The following CAPN14 variants were observed in gnomAD, a reference collection of about 807,000 sequenced individuals.
The protein encoded by CAPN14 is calpain-14.
CAPN14 carries 94 observed loss-of-function variants against 101.3 expected under a neutral mutation model. The observed-to-expected ratio is 0.93, with a 90% CI of 0.79 to 1.10. The LOEUF (loss-of-function observed/expected upper bound fraction) is 1.10. Ranked by LOEUF, CAPN14 falls within the 50% of genes least tolerant of loss-of-function variation. CAPN14 has a pLI of 0.00. For synonymous variants in CAPN14, 338 were observed against 317.9 expected (o/e 1.06, Z -0.67); for missense variants, 837 against 828.4 (o/e 1.01, Z -0.13).
chr2:31,206,727 T>G (rs189918550), intron 1 of CAPN14, among the ~76,000 whole-genome samples: 1 of 152,336 alleles, frequency 6.6e-6, no homozygotes, highest in Non-Finnish European at 1.5e-5. Context: ...GCTACAAAAC[T>G]TGATTTCCTG....
At position 31,217,223 on chromosome 2, in the gene CAPN14, T is replaced by C. The variant is rs532332014; in HGVS notation, c.-53+233A>G. On this transcript the variant is annotated intron_variant, in intron 1 of 21. Coordinates refer to ENST00000403897, the MANE Select transcript of CAPN14 (RefSeq NM_001145122.2). The stretch of plus-strand genomic sequence containing the variant: ...CCATCTTTTTTTTTAAATGAGGAGA[T>C]TGGGGCCAAAGGGCTGAAGTCTATT... Among the ~76,000 whole-genome samples, 20 of 152,116 alleles carry C rather than the reference T, an allele frequency of 1.3e-4. No individual in the cohort carries two copies. The South Asian group carries it at 1.9e-3, about 14-fold the overall frequency.
chr2:31,174,394 T>C lies in CAPN14; in HGVS notation c.*287A>G, dbSNP rs936579135. On this transcript the variant is annotated 3_prime_UTR_variant, in exon 22 of 22. Transcript: ENST00000403897. ...ACACCAGCTCTGGAGTCAGAATGCT[T>C]AGGCCATGTCAGGTAACATCTCCGC... 1.8e-6 allele frequency: 1 copy of C among 552,022 alleles called. No homozygotes were observed. The allele number at this position is 552,022 out of a possible 1,614,324, so 34.2% of individuals were successfully genotyped here.
At chr2:31,203,774 G>A (rs1681923207) in intron 2 of CAPN14, among the ~76,000 whole-genome samples, 2 of 152,082 alleles carry the variant, frequency 1.3e-5, no homozygotes, top group South Asian at 4.1e-4. Context: ...ATAAGTCTGG[G>A]GCTGCAGGTA....
chr2:31,193,552 C>T (rs6543616), intron 9 of CAPN14, among the ~76,000 whole-genome samples: 116,776 of 152,162 alleles, frequency 0.77, 45,102 homozygotes, highest in East Asian at 0.98. Flanking sequence ...CATGGCTGAC[C>T]GGGGGAGATG....
chr2:31,193,892 G>A (rs1167829538), intron 9 of CAPN14, among the ~76,000 whole-genome samples: 3 of 152,078 alleles, frequency 2.0e-5, no homozygotes, highest in African/African-American at 4.8e-5. Context: ...TCACAGTAAC[G>A]GTGGTGAGCA....
chr2:31,228,101 G>A (rs908387947), intron 1 of CAPN14, among the ~76,000 whole-genome samples: 1 of 152,230 alleles, frequency 6.6e-6, no homozygotes, highest in Non-Finnish European at 1.5e-5. Flanking sequence ...ATGCGTGCAT[G>A]GTTGTAGGCA....
At position 31,230,236 on chromosome 2, in the gene CAPN14, G is replaced by A. The variant is rs1371705710; in HGVS notation, c.-177+3555C>T. 3.9e-5 allele frequency among the ~76,000 whole-genome samples: 6 copies of A among 152,086 alleles called. No homozygotes were observed. The highest frequency in any genetic ancestry group is 3.9e-4 in the Admixed American group (6 of 15,268). On this transcript the variant is annotated intron_variant and NMD_transcript_variant, in intron 1 of 21. Transcript: ENST00000398824. The surrounding 1 kb of genome is among the most constrained non-coding windows in gnomAD (Gnocchi z 4.3). ...GTGGTATATATTTTATATGAATGTGGCACATTTATCCATTTACTCGGTGAA... is the reference window on the plus strand; with the variant it reads ...GTGGTATATATTTTATATGAATGTGACACATTTATCCATTTACTCGGTGAA...
chr2:31,180,855 G>C, intron 17 of CAPN14, 81 bp downstream of exon 17: 2 of 1,210,262 alleles, frequency 1.7e-6, no homozygotes, highest in East Asian at 2.6e-5. Flanking sequence ...ATTGGGGTTG[G>C]GATTCAAATA....
upstream of CAPN14, among the ~76,000 whole-genome samples, chr2:31,219,886 C>G (rs572957911): frequency 1.3e-3 from 197 of 152,312 alleles, 1 homozygote; most frequent in African/African-American, 4.5e-3. Flanking sequence ...CAAAGGAGGT[C>G]AAATGCGTCT....
intron 1 of CAPN14, among the ~76,000 whole-genome samples, chr2:31,209,063 G>C (rs1682254548): frequency 6.6e-6 from 1 of 152,056 alleles, no homozygotes; most frequent in African/African-American, 2.4e-5. Flanking sequence ...TTGAACTCCT[G>C]GGCTTAAGGG....
upstream of CAPN14, among the ~76,000 whole-genome samples, chr2:31,220,614 G>A (rs1682834495): frequency 6.6e-6 from 1 of 152,128 alleles, no homozygotes. Context: ...CACGAGGTCA[G>A]GAGACCAACA....
chr2:31,183,839 T>TTCCA, intron 16 of CAPN14, among the ~76,000 whole-genome samples: 1 of 144,306 alleles, frequency 6.9e-6, no homozygotes, highest in South Asian at 2.5e-4. Context: ...TCTCTCCTTC[T>TTCCA]TCCCTCCCTC....
chr2:31,206,400 C>T (rs1682096648), intron 1 of CAPN14, among the ~76,000 whole-genome samples: 2 of 152,138 alleles, frequency 1.3e-5, no homozygotes, highest in Non-Finnish European at 1.5e-5. Flanking sequence ...ATACAGACGC[C>T]CGCCACCACA....
In CAPN14 at chr2:31,200,541, G is replaced by A. The variant is rs1311591803; in HGVS notation, c.636C>T (p.Ile212=). Residue 212 remains isoleucine, a synonymous_variant, in exon 6 of 22, where the codon ATC becomes ATT. Coordinates refer to ENST00000403897, the MANE Select transcript of CAPN14 (RefSeq NM_001145122.2). ...GGTTGCCATGGGCTTCTGCCAGGTT[G>A]ATGGTCATTGTCACCCCTCCAGTGA... is the stretch of plus-strand genomic sequence containing the variant. ...VDFTGGVTMT[I]NLAEAHGNLW... 12 of 1,551,522 alleles carry A rather than the reference G, an allele frequency of 7.7e-6. No individual in the cohort carries two copies. The highest frequency in any genetic ancestry group is 9.6e-6 in the Non-Finnish European group (11 of 1,146,976).
rs1454636089 is a variant in CAPN14 at position 31,202,952 on chromosome 2, T to A, written c.295+118A>T. The A allele has an allele frequency of 5.0e-6, 4 of 796,942 alleles. No homozygotes were observed. In the Admixed American group the frequency reaches 1.0e-4, roughly 21 times the overall value. The allele number at this position is 796,942 out of a possible 1,614,324, so 49.4% of individuals were successfully genotyped here. A position where few individuals can be genotyped will look rare whatever the true frequency, so the allele number is the denominator to read the frequency against. The stretch of plus-strand genomic sequence containing the variant: ...GTAGCGTTTTGCCAGTGAATAGCCA[T>A]TTTGGGCCTCTCTCCAGTGGGGATC... On this transcript the variant is annotated intron_variant, in intron 3 of 21. Coordinates refer to ENST00000403897, the MANE Select transcript of CAPN14 (RefSeq NM_001145122.2).
In CAPN14 at chr2:31,174,704, T is replaced by C; in HGVS notation, c.2032A>G (p.Met678Val). The change falls in exon 22 of 22, where the codon ATG becomes GTG. Residue 678 changes from methionine to valine, a missense_variant. By Grantham distance (21) the Met-to-Val change is conservative. Transcript: ENST00000403897. ...KGIYLQKPEW[M>V]MMALYS ...TCTCAGGAGTACAGTGCCATCATCA[T>C]CCACTGGACATGTTGGGAAAGCAAA... 11 of 1,551,610 alleles carry C rather than the reference T, an allele frequency of 7.1e-6. No homozygotes were observed. The highest frequency in any genetic ancestry group is 9.6e-6 in the Non-Finnish European group (11 of 1,146,974).
Position 31,233,427 on chromosome 2 carries a change from A to T in CAPN14, c.-177+364T>A, listed in dbSNP as rs534949522. Among the ~76,000 whole-genome samples, 5 of 152,244 alleles carry T rather than the reference A, an allele frequency of 3.3e-5. No homozygotes were observed. The South Asian group carries it at 1.0e-3, about 32-fold the overall frequency. On this transcript the variant is annotated intron_variant and NMD_transcript_variant, in intron 1 of 21. Transcript: ENST00000398824. ...CATGCTTTCCATGAAGCCTTCCTCA[A>T]ATTAGCCACACAAAAGGAGTGACTC...
At chr2:31,222,853 C>T (rs72786926) in intron 2 of CAPN14, among the ~76,000 whole-genome samples, 1 of 152,126 alleles carries the variant, frequency 6.6e-6, no homozygotes. Flanking sequence ...TGATCACATT[C>T]GGAGATGGAG....
At chr2:31,215,270 C>CTTTT (rs56002934) in intron 1 of CAPN14, among the ~76,000 whole-genome samples, 1 of 149,494 alleles carries the variant, frequency 6.7e-6, no homozygotes, top group African/African-American at 2.5e-5. Context: ...AAATTCATTC[C>CTTTT]TTTTTTTTTT....
Sources: gnomAD v4.1 joint callset for allele counts (sites outside exome capture counted in the v4.1 genomes callset) on GRCh38, gnomAD v4.1.1 for gene constraint, Gnocchi (gnomAD v3.1) non-coding constraint, MANE v1.5 for transcripts, NCBI Gene and HGNC (gene_info 2026-07-23, HGNC 2026-07-21) for gene names.